FCRL5: variants seen among roughly 807,000 people sequenced by gnomAD.
FCRL5 encodes the protein Fc receptor like 5, also known as Fc receptor-like protein 5.
FCRL5 carries 79 observed loss-of-function variants against 92.1 expected under a neutral mutation model. The ratio of observed to expected loss-of-function variants is 0.86; its 90% CI spans 0.72 to 1.03. FCRL5 has a LOEUF of 1.03. FCRL5 is among the 50% of genes least tolerant of loss of function. The probability of loss-of-function intolerance (pLI) is 0.00; values close to 1 mark genes in which losing one functional copy is unlikely to be tolerated. For synonymous variants in FCRL5, 466 were observed against 469.3 expected (o/e 0.99, Z 0.09); for missense variants, 1,160 against 1,181.1 (o/e 0.98, Z 0.26).
At chr1:157,534,538 G>A in intron 8 of FCRL5, 76 bp downstream of exon 8, 1 of 1,563,978 alleles carries the variant, frequency 6.4e-7, no homozygotes, top group African/African-American at 1.4e-5. Flanking sequence ...ACTGGACAGT[G>A]CAAACAGATT....
At position 157,544,935 on chromosome 1, in the gene FCRL5, T is replaced by C. The variant is rs770209951; in HGVS notation, c.455A>G (p.His152Arg). ...LAFLNKRTDF[H>R]IPHACLKDNG... ...GTCCTTGAGACATGCATGAGGAATA[T>C]GGAAGTCAGTTCTTTTATTAAGGAA... The change falls in exon 4 of 17, where the codon CAT (histidine) becomes CGT (arginine). Residue 152 changes from histidine to arginine, a missense_variant. Physicochemically the swap from His to Arg is conservative, Grantham distance 29. Coordinates refer to ENST00000361835, the MANE Select transcript of FCRL5 (RefSeq NM_031281.3). The C allele has an allele frequency of 1.9e-6, 3 of 1,614,230 alleles. No individual in the cohort carries two copies. The highest frequency in any genetic ancestry group is 2.5e-6 in the Non-Finnish European group (3 of 1,180,024).
intron 7 of FCRL5, 60 bp from the exon 8 acceptor site, chr1:157,534,952 C>T (rs1650899219): frequency 6.7e-7 from 1 of 1,482,848 alleles, no homozygotes; most frequent in Non-Finnish European, 9.0e-7. Flanking sequence ...GATTTCAACA[C>T]TTGGCCAGTG....
intron 10 of FCRL5, 186 bp from the exon 11 acceptor site, chr1:157,521,478 C>G (rs1452412352): frequency 6.3e-6 from 4 of 630,590 alleles, no homozygotes; most frequent in Non-Finnish European, 1.0e-5. Context: ...CAATAGAAAA[C>G]TGTAAAAAGT....
chr1:157,548,926 C>T (rs1489875858), intron 2 of FCRL5, among the ~76,000 whole-genome samples: 1 of 152,094 alleles, frequency 6.6e-6, no homozygotes, highest in African/African-American at 2.4e-5. Flanking sequence ...CCAGCCATCC[C>T]ATTACCAGGT....
chr1:157,529,340 C>A (rs1167525692), intron 8 of FCRL5, among the ~76,000 whole-genome samples: 1 of 152,194 alleles, frequency 6.6e-6, no homozygotes, highest in African/African-American at 2.4e-5. Context: ...CAGTTTTACA[C>A]TGCTGGTGGG....
intron 10 of FCRL5, chr1:157,522,326 T>A (rs1558128101): frequency 6.6e-6 from 1 of 152,180 alleles, no homozygotes; most frequent in African/African-American, 2.4e-5. Flanking sequence ...AATGTTGTGT[T>A]AAAAGTGGCC....
At position 157,543,095 on chromosome 1, in the gene FCRL5, G is replaced by A; in HGVS notation, c.887C>T (p.Ala296Val). The change falls in exon 6 of 17, where the codon GCT becomes GTT. Residue 296 changes from alanine to valine, a missense_variant. Ala to Val is a moderately conservative substitution (Grantham distance 64). Transcript: ENST00000361835. ...HPVLTLSPEK[A>V]LNFEGTKVTL... ...CACCTTGGTTCCCTCAAAATTCAGA[G>A]CCTTTTCAGGGCTGAGAGTGAGGAC... is the stretch of plus-strand genomic sequence containing the variant. 1.2e-6 allele frequency: 2 copies of A among 1,614,200 alleles called. No individual in the cohort carries two copies. Among genetic ancestry groups the A allele is most frequent in the Non-Finnish European group, 1.7e-6 (2 of 1,180,024 alleles).
chr1:157,544,640 C>A, intron 4 of FCRL5, 94 bp from the exon 5 acceptor site: 1 of 1,492,072 alleles, frequency 6.7e-7, no homozygotes, highest in South Asian at 1.2e-5. Context: ...CAAAAGCAGG[C>A]AAAGAAAGGA....
At chr1:157,525,793 C>A (rs1650401800) in intron 9 of FCRL5, among the ~76,000 whole-genome samples, 1 of 152,136 alleles carries the variant, frequency 6.6e-6, no homozygotes, top group African/African-American at 2.4e-5. Context: ...TCTGTTCCTG[C>A]TTTGTGTATC....
chr1:157,532,001 G>A (rs1650716445), intron 8 of FCRL5: 1 of 152,124 alleles, frequency 6.6e-6, no homozygotes, highest in Admixed American at 6.5e-5. Flanking sequence ...AATGATAAAT[G>A]CATGAGATGA....
At chr1:157,551,423 C>T (rs1651806022) in intron 1 of FCRL5, among the ~76,000 whole-genome samples, 2 of 152,210 alleles carry the variant, frequency 1.3e-5, no homozygotes, top group African/African-American at 4.8e-5. Context: ...CTCCTACTCA[C>T]CTCTAAGTTT....
chr1:157,520,657 C>A (rs113508746), intron 11 of FCRL5, 110 bp from the exon 12 acceptor site: 5 of 775,580 alleles, frequency 6.4e-6, no homozygotes, highest in South Asian at 1.8e-5. Flanking sequence ...AGCAGGTCCC[C>A]GGCAGCTAAG....
Position 157,544,477 on chromosome 1 carries a change from G to C in FCRL5, c.629C>G (p.Thr210Ser), listed in dbSNP as rs1309378536. 12 of 1,614,076 alleles carry C rather than the reference G, an allele frequency of 7.4e-6. No homozygotes were observed. Among genetic ancestry groups the C allele is most frequent in the Non-Finnish European group, 8.5e-6 (10 of 1,180,040 alleles). Residue 210 changes from threonine (T) to serine (S), a missense_variant, in exon 5 of 17, where the codon ACC becomes AGC. Transcript: ENST00000361835. The stretch of plus-strand genomic sequence containing the variant: ...CTCTAGAGAGAGCTGGGTCTCACAG[G>C]TCAGGGTCACTGGGTTCCCGCTGAT... ...QPISGNPVTL[T>S]CETQLSLERS...
At chr1:157,546,542 A>G (rs1174797697) in intron 3 of FCRL5, among the ~76,000 whole-genome samples, 1 of 151,296 alleles carries the variant, frequency 6.6e-6, no homozygotes, top group Non-Finnish European at 1.5e-5. Flanking sequence ...AAATAAATTA[A>G]TCCTCAGACT....
At position 157,552,493 on chromosome 1, in the gene FCRL5, C is replaced by A; in HGVS notation, c.-131G>T. The A allele has an allele frequency of 3.4e-6, 3 of 887,002 alleles. No individual in the cohort carries two copies. Among genetic ancestry groups the A allele is most frequent in the East Asian group, 2.5e-5 (1 of 39,808 alleles). 54.9% of individuals were successfully genotyped at this position (887,002 alleles called of 1,614,324 possible). On this transcript the variant is annotated 5_prime_UTR_variant, in exon 1 of 17. It introduces an in-frame stop codon into an upstream open reading frame of the 5' UTR. Transcript: ENST00000361835. ...GAGCACATCTGAGAAGCTGTGCTCT[C>A]AAAAAGAGCAGAATGCATTAGTGAA...
intron 14 of FCRL5, 85 bp from the exon 15 acceptor site, chr1:157,518,582 T>A (rs573408347): frequency 2.7e-6 from 4 of 1,480,248 alleles, no homozygotes; most frequent in African/African-American, 1.4e-5. Flanking sequence ...CCAGAGTCTC[T>A]TTTCTGGAAG....
Position 157,518,636 on chromosome 1 carries a change from T to C in FCRL5, c.2743+64A>G, listed in dbSNP as rs773910780. ...CTCGGCATAGTCCCTCCCCATCTCC[T>C]GCCCCACCGCTTTCCCACACCAGCC... On this transcript the variant is annotated intron_variant, in intron 14 of 16. Coordinates refer to ENST00000361835, the MANE Select transcript of FCRL5 (RefSeq NM_031281.3). 24 of 1,516,266 alleles carry C rather than the reference T, an allele frequency of 1.6e-5. 1 individual carries two copies. The highest frequency in any genetic ancestry group is 2.1e-5 in the Non-Finnish European group (23 of 1,101,146). 93.9% of individuals were successfully genotyped at this position (1,516,266 alleles called of 1,614,324 possible). A position where few individuals can be genotyped will look rare whatever the true frequency, so the allele number is the denominator to read the frequency against.
intron 1 of FCRL5, among the ~76,000 whole-genome samples, chr1:157,550,773 T>C (rs947360052): frequency 2.0e-5 from 3 of 152,172 alleles, no homozygotes; most frequent in African/African-American, 7.2e-5. Context: ...AATAGAAGGA[T>C]AGAGATTTGA....
intron 3 of FCRL5, chr1:157,546,089 A>T (rs777099989): frequency 2.4e-5 from 6 of 247,846 alleles, no homozygotes; most frequent in Admixed American, 1.6e-4. Context: ...CCTATGCATT[A>T]TCTACCCATA....
Sources: allele counts gnomAD v4.1 joint callset (sites outside exome capture counted in the v4.1 genomes callset), GRCh38; gene constraint gnomAD v4.1.1; transcripts MANE v1.5; gene names NCBI Gene and HGNC (gene_info 2026-07-23, HGNC 2026-07-21).